The following DYM variants were observed in gnomAD, a reference collection of about 807,000 sequenced individuals.
DYM encodes dyggve-Melchior-Clausen syndrome protein.
In DYM, 78 loss-of-function variants were observed where a neutral mutation model predicts 93.1. The ratio of observed to expected loss-of-function variants is 0.84; its 90% CI spans 0.70 to 1.01. The LOEUF is 1.01. DYM is among the 50% of genes least tolerant of loss of function. The pLI is 0.00. For synonymous variants in DYM, 321 were observed against 319.7 expected (o/e 1.00, Z -0.04); for missense variants, 789 against 845.0 (o/e 0.93, Z 0.82).
In DYM at chr18:49,319,332, T is replaced by C. The variant is rs543072474; in HGVS notation, c.763+12532A>G. Among the ~76,000 whole-genome samples the C allele has an allele frequency of 5.3e-5, 8 of 152,246 alleles. No individual in the cohort carries two copies. In the South Asian group the frequency reaches 1.7e-3, roughly 32 times the overall value. On this transcript the variant is annotated intron_variant, in intron 8 of 17. Coordinates refer to ENST00000675505, the MANE Select transcript of DYM (RefSeq NM_001353214.3). Reference sequence around the variant, plus strand: ...ACTGATAGCTAGCAAGGCTTCCAATTTGATGAAGTTATGGTGAAGGGTGCT... The same window carrying C: ...ACTGATAGCTAGCAAGGCTTCCAATCTGATGAAGTTATGGTGAAGGGTGCT...
chr18:49,308,714 C>T (rs962153399), intron 8 of DYM, among the ~76,000 whole-genome samples: 2 of 152,018 alleles, frequency 1.3e-5, no homozygotes, highest in African/African-American at 2.4e-5. Context: ...GAGACACTGG[C>T]GGGAGACGGG....
intron 8 of DYM, among the ~76,000 whole-genome samples, chr18:49,309,267 C>T (rs1030393478): frequency 2.0e-5 from 3 of 152,102 alleles, no homozygotes; most frequent in African/African-American, 7.2e-5. Context: ...TTTATGCTTA[C>T]GCTATGGATT....
chr18:49,041,940 G>A lies in DYM; in HGVS notation c.*2115C>T, dbSNP rs1364025904. On this transcript the variant is annotated 3_prime_UTR_variant, in exon 18 of 18. Transcript: ENST00000675505. ...AGAGGACAGTTCTGTGGTCCTGCCA[G>A]AAGCTCAGCTGTTCCACATGACCCT... 1.3e-5 allele frequency: 2 copies of A among 152,376 alleles called. No individual in the cohort carries two copies. The highest frequency in any genetic ancestry group is 3.9e-4 in the East Asian group (2 of 5,192). The allele number at this position is 152,376 out of a possible 1,614,324, so 9.4% of individuals were successfully genotyped here. A position where few individuals can be genotyped will look rare whatever the true frequency, so the allele number is the denominator to read the frequency against.
chr18:49,185,214 AG>A lies in DYM; in HGVS notation c.1626-21428del, dbSNP rs1454929270. The stretch of plus-strand genomic sequence containing the variant: ...AGAACCATCCCCCATCCCCAAGAAA[AG>A]TTTCATCTTTCTTAAAAGAGAAAAT... On this transcript the variant is annotated intron_variant, in intron 14 of 17. Transcript: ENST00000675505. Among the ~76,000 whole-genome samples, 11 of 152,352 alleles carry A rather than the reference AG, an allele frequency of 7.2e-5. No individual in the cohort carries two copies. In the East Asian group the frequency reaches 1.7e-3, roughly 24 times the overall value.
At chr18:49,448,783 G>C (rs1374022630) in intron 1 of DYM, among the ~76,000 whole-genome samples, 1 of 152,174 alleles carries the variant, frequency 6.6e-6, no homozygotes, top group East Asian at 1.9e-4. Context: ...TGAAGCACAA[G>C]GATTTCTTTG....
chr18:49,319,449 C>T (rs2062296434), intron 8 of DYM, among the ~76,000 whole-genome samples: 1 of 151,848 alleles, frequency 6.6e-6, no homozygotes, highest in African/African-American at 2.4e-5. Context: ...AGCTGAAAGG[C>T]TAAAGGACCA....
chr18:49,279,618 T>C (rs1214745759), intron 10 of DYM, among the ~76,000 whole-genome samples: 1 of 152,198 alleles, frequency 6.6e-6, no homozygotes, highest in East Asian at 1.9e-4. Context: ...TGCACCATCT[T>C]ATATACCTGC....
chr18:49,348,575 A>G (rs1196681252), intron 6 of DYM, among the ~76,000 whole-genome samples: 6 of 152,052 alleles, frequency 3.9e-5, no homozygotes, highest in Admixed American at 3.9e-4. Flanking sequence ...GATGGATCAC[A>G]CAAATTAAAA....
intron 15 of DYM, among the ~76,000 whole-genome samples, chr18:49,133,112 A>C (rs560509656): frequency 8.5e-5 from 13 of 152,324 alleles, no homozygotes; most frequent in African/African-American, 3.1e-4. Context: ...TGTGTTGTCA[A>C]GAAGAAAGGA....
At chr18:49,382,216 A>G (rs1190676928) in intron 3 of DYM, among the ~76,000 whole-genome samples, 1 of 152,176 alleles carries the variant, frequency 6.6e-6, no homozygotes. Context: ...AGCGCCGTGT[A>G]CCTTCTTCAC....
At chr18:49,445,362 T>G (rs9961129) in intron 1 of DYM, among the ~76,000 whole-genome samples, 42,966 of 151,926 alleles carry the variant, frequency 0.28, 6,123 homozygotes, top group Middle Eastern at 0.4. Flanking sequence ...GTAGGATAGG[T>G]ACAGAAACCA....
intron 14 of DYM, chr18:49,205,842 C>G (rs2092447155): frequency 6.4e-6 from 1 of 155,558 alleles, no homozygotes; most frequent in Non-Finnish European, 1.4e-5. Context: ...AAAAATGAAA[C>G]AGCAAGAGCT....
chr18:49,077,895 T>C (rs956211282), intron 17 of DYM, among the ~76,000 whole-genome samples: 4 of 152,172 alleles, frequency 2.6e-5, no homozygotes, highest in African/African-American at 9.7e-5. Context: ...TTATCCATTC[T>C]GACAATTCTT....
intron 15 of DYM, among the ~76,000 whole-genome samples, chr18:49,144,978 T>C (rs1032505817): frequency 8.0e-5 from 12 of 150,586 alleles, no homozygotes; most frequent in African/African-American, 2.0e-4. Context: ...TGCGTGCCTA[T>C]AGTCCCAGCT....
At chr18:49,380,432 C>T (rs2067938980) in intron 3 of DYM, among the ~76,000 whole-genome samples, 1 of 152,182 alleles carries the variant, frequency 6.6e-6, no homozygotes, top group Non-Finnish European at 1.5e-5. Context: ...CAACAGCTAA[C>T]ATATGCTGAA....
chr18:49,087,180 T>C (rs914943140), intron 17 of DYM, among the ~76,000 whole-genome samples: 2 of 152,130 alleles, frequency 1.3e-5, no homozygotes, highest in African/African-American at 4.8e-5. Flanking sequence ...AGAAACAAAT[T>C]TCTGTTATTT....
At chr18:49,438,069 C>G (rs2081015413) in intron 1 of DYM, among the ~76,000 whole-genome samples, 1 of 152,064 alleles carries the variant, frequency 6.6e-6, no homozygotes, top group South Asian at 2.1e-4. Flanking sequence ...AGCCTGTGGT[C>G]CCAGCTACTC....
At chr18:49,331,727 C>CT in intron 8 of DYM, 137 bp downstream of exon 8, 1 of 941,134 alleles carries the variant, frequency 1.1e-6, no homozygotes, top group Non-Finnish European at 1.7e-6. Context: ...ATTTTAATTA[C>CT]TTTGTTTTCA....
intron 16 of DYM, among the ~76,000 whole-genome samples, chr18:49,111,511 T>A (rs996883220): frequency 3.9e-5 from 6 of 152,168 alleles, no homozygotes; most frequent in Non-Finnish European, 2.9e-5. Flanking sequence ...TTAGGGCACA[T>A]CTCTTCTTAG....
Sources: gnomAD v4.1 joint callset for allele counts (sites outside exome capture counted in the v4.1 genomes callset) on GRCh38, gnomAD v4.1.1 for gene constraint, MANE v1.5 for transcripts, NCBI Gene and HGNC (gene_info 2026-07-23, HGNC 2026-07-21) for gene names.